The following PEMT variants were observed in gnomAD, a reference collection of about 807,000 sequenced individuals.
The protein encoded by PEMT is phosphatidylethanolamine N-methyltransferase.
In PEMT, 23 loss-of-function variants were observed where a neutral mutation model predicts 27.4. The observed-to-expected ratio is 0.84, with a 90% CI of 0.60 to 1.19. The LOEUF is 1.19. PEMT is among the 50% of genes most tolerant of loss of function. PEMT has a pLI of 0.00. For missense variants in PEMT, 307 were observed against 310.1 expected (o/e 0.99, Z 0.07); for synonymous variants, 137 against 139.1 (o/e 0.98, Z 0.11).
At chr17:17,586,279 AGAAAGAAAG>A (rs1217520318) in intron 1 of PEMT, among the ~76,000 whole-genome samples, 1,937 of 111,058 alleles carry the variant, frequency 0.017, 90 homozygotes, top group African/African-American at 0.023. Context: ...AAAGAAAGAA[AGAAAGAAAG>A]AAAAAAAAAA....
chr17:17,591,694 T>C lies in PEMT; in HGVS notation c.-68A>G. On this transcript the variant is annotated 5_prime_UTR_variant, in exon 1 of 7. Coordinates refer to ENST00000255389, the MANE Select transcript of PEMT (RefSeq NM_148172.3). Reference sequence around the variant, plus strand: ...CCACGCGCCCCCGGAACCGGACCTATAGAGCCGGGTAAGTGCCGCCAGTCG... The same window carrying C: ...CCACGCGCCCCCGGAACCGGACCTACAGAGCCGGGTAAGTGCCGCCAGTCG... 6.5e-7 allele frequency: 1 copy of C among 1,537,226 alleles called. No individual in the cohort carries two copies. The highest frequency in any genetic ancestry group is 8.8e-7 in the Non-Finnish European group (1 of 1,139,364).
chr17:17,510,963 G>C lies in PEMT; in HGVS notation c.467-1418C>G, dbSNP rs376313705. ...CCTCACCGCCCTCACATCCTGGAAG[G>C]GCCCCTCCACAGCTCCTCCTGAGCC... is the stretch of plus-strand genomic sequence containing the variant. On this transcript the variant is annotated intron_variant, in intron 4 of 6. Transcript: ENST00000255389. Among the ~76,000 whole-genome samples, 16 of 152,210 alleles carry C rather than the reference G, an allele frequency of 1.1e-4. No homozygotes were observed. The East Asian group carries it at 1.2e-3, about 11-fold the overall frequency.
chr17:17,537,710 G>A (rs990609191), intron 2 of PEMT, among the ~76,000 whole-genome samples: 6 of 152,260 alleles, frequency 3.9e-5, no homozygotes, highest in Non-Finnish European at 2.9e-5. Context: ...GCTCCTGGAA[G>A]CTCTGGCCCT....
At position 17,512,453 on chromosome 17, in the gene PEMT, C is replaced by A; in HGVS notation, c.466+56G>T. 1.4e-6 allele frequency: 2 copies of A among 1,428,324 alleles called. No homozygotes were observed. Among genetic ancestry groups the A allele is most frequent in the Non-Finnish European group, 1.9e-6 (2 of 1,078,036 alleles). The allele number at this position is 1,428,324 out of a possible 1,614,324, so 88.5% of individuals were successfully genotyped here. A position where few individuals can be genotyped will look rare whatever the true frequency, so the allele number is the denominator to read the frequency against. ...AGGGCAGCAGCCACCTGGCCCTGCACCTCCCTGGGGCTCCAGCGGTCCTGC... is the reference window on the plus strand; with the variant it reads ...AGGGCAGCAGCCACCTGGCCCTGCAACTCCCTGGGGCTCCAGCGGTCCTGC... On this transcript the variant is annotated intron_variant, in intron 4 of 6. Transcript: ENST00000255389. The surrounding 1 kb of genome is among the most constrained non-coding windows in gnomAD (Gnocchi z 6.3).
At chr17:17,520,688 A>G (rs1020310753) in intron 3 of PEMT, among the ~76,000 whole-genome samples, 18 of 152,246 alleles carry the variant, frequency 1.2e-4, no homozygotes, top group African/African-American at 3.6e-4. Context: ...CACATCATTC[A>G]ACCCAGGGCA....
chr17:17,540,003 G>C (rs573571233), intron 2 of PEMT, among the ~76,000 whole-genome samples: 1 of 152,358 alleles, frequency 6.6e-6, no homozygotes, highest in East Asian at 1.9e-4. Flanking sequence ...TGCAGGGACA[G>C]GGGAGGACAA....
At chr17:17,554,573 C>T (rs373193279) in intron 2 of PEMT, among the ~76,000 whole-genome samples, 6 of 152,176 alleles carry the variant, frequency 3.9e-5, no homozygotes, top group African/African-American at 1.2e-4. Context: ...TCATCAGTGA[C>T]GGCCAGAGTG....
rs70959699 is a variant in PEMT, at chr17:17,522,235, G to A, written c.320+45C>T. The A allele has an allele frequency of 1.1e-4, 151 of 1,425,094 alleles. 1 individual carries two copies. In the East Asian group the frequency reaches 1.9e-3, roughly 18 times the overall value. 88.3% of individuals were successfully genotyped at this position (1,425,094 alleles called of 1,614,324 possible). The stretch of plus-strand genomic sequence containing the variant: ...AGGTACCACCAGTAGCGGCCCTCCC[G>A]CTAGCCCAGGGGTTGTGGCTCCCCA... On this transcript the variant is annotated intron_variant, in intron 3 of 6. Transcript: ENST00000255389.
intron 5 of PEMT, among the ~76,000 whole-genome samples, chr17:17,509,147 T>A (rs947562526): frequency 6.6e-6 from 1 of 152,280 alleles, no homozygotes; most frequent in African/African-American, 2.4e-5. Context: ...TGCAGCTGTT[T>A]TGTGTGGCAG....
intron 1 of PEMT, among the ~76,000 whole-genome samples, chr17:17,583,659 G>A (rs1912092445): frequency 6.6e-6 from 1 of 152,232 alleles, no homozygotes; most frequent in Admixed American, 6.5e-5. Flanking sequence ...CTGCACAGAA[G>A]CAAGAACAGA....
At chr17:17,511,012 G>A (rs755560283) in intron 4 of PEMT, among the ~76,000 whole-genome samples, 13 of 152,182 alleles carry the variant, frequency 8.5e-5, no homozygotes, top group Non-Finnish European at 1.0e-4. Context: ...TGGCTCCATC[G>A]GTCCAACCTC....
chr17:17,577,331 G>T, intron 1 of PEMT: 1 of 498,976 alleles, frequency 2.0e-6, no homozygotes, highest in Non-Finnish European at 3.1e-6. Flanking sequence ...TGGTGTGACC[G>T]AGACCCTCCT....
chr17:17,529,270 C>T (rs1597894478), intron 2 of PEMT, among the ~76,000 whole-genome samples: 3 of 152,248 alleles, frequency 2.0e-5, no homozygotes, highest in Admixed American at 6.5e-5. Flanking sequence ...GCCAGGTGTG[C>T]ACAGCCCTGG....
intron 1 of PEMT, chr17:17,577,379 C>A (rs1188671576): frequency 1.8e-5 from 15 of 813,500 alleles, no homozygotes; most frequent in Non-Finnish European, 2.4e-5. Flanking sequence ...GAAACCCAAG[C>A]AGCTGAGATA....
Position 17,570,904 on chromosome 17 carries a change from C to T in PEMT, c.204+6016G>A, listed in dbSNP as rs1008886483. ...AGGGAGTCCATCCTGGTCCTTGGAC[C>T]ACTGCCCTGGCATCTGGAGTGATAG... is the stretch of plus-strand genomic sequence containing the variant. On this transcript the variant is annotated intron_variant, in intron 2 of 6. Transcript: ENST00000255389. 7.1e-6 allele frequency: 7 copies of T among 985,318 alleles called. No homozygotes were observed. In the African/African-American group the frequency reaches 1.2e-4, roughly 17 times the overall value. The allele number at this position is 985,318 out of a possible 1,614,324, so 61.0% of individuals were successfully genotyped here.
At chr17:17,573,835 G>A (rs1344387989) in intron 2 of PEMT, among the ~76,000 whole-genome samples, 1 of 152,132 alleles carries the variant, frequency 6.6e-6, no homozygotes, top group Non-Finnish European at 1.5e-5. Flanking sequence ...AGGCTGGAGT[G>A]CAGTAGTGTG....
chr17:17,515,070 G>C (rs76127135), intron 3 of PEMT, among the ~76,000 whole-genome samples: 21 of 152,310 alleles, frequency 1.4e-4, no homozygotes, highest in Admixed American at 9.1e-4. Context: ...GCTGCAATAG[G>C]GGGTGGGCGC....
chr17:17,571,711 G>GT (rs35067579), intron 2 of PEMT, among the ~76,000 whole-genome samples: 71,606 of 144,774 alleles, frequency 0.49, 18,189 homozygotes, highest in African/African-American at 0.56. Flanking sequence ...TTTGTTTTGG[G>GT]TTTTTTTTTT....
chr17:17,516,712 C>A (rs1413655754), intron 3 of PEMT, among the ~76,000 whole-genome samples: 1 of 152,142 alleles, frequency 6.6e-6, no homozygotes, highest in African/African-American at 2.4e-5. Context: ...AGGTGCCAGA[C>A]CAGCCTGGTC....
Sources: allele counts gnomAD v4.1 joint callset (sites outside exome capture counted in the v4.1 genomes callset), GRCh38; gene constraint gnomAD v4.1.1; non-coding constraint Gnocchi (gnomAD v3.1); transcripts MANE v1.5; gene names NCBI Gene and HGNC (gene_info 2026-07-23, HGNC 2026-07-21).